EML6: variants seen among roughly 807,000 people sequenced by gnomAD.
EML6 encodes echinoderm microtubule-associated protein-like 6.
EML6 carries 154 observed loss-of-function variants against 240.1 expected under a neutral mutation model. That is an observed-to-expected ratio of 0.64 (90% confidence interval 0.56 to 0.73). The LOEUF (loss-of-function observed/expected upper bound fraction) is 0.73, where lower values mean the gene tolerates loss of function less well. Among genes scored for constraint, EML6 ranks in the 30% least tolerant of loss-of-function variants. The pLI, the probability that EML6 is intolerant of heterozygous loss-of-function variation, is 0.00. For synonymous variants in EML6, 1,148 were observed against 899.0 expected, an observed-to-expected ratio of 1.28 and a Z score of -4.95; for missense variants, 2,964 against 2,474.6, an observed-to-expected ratio of 1.20 and a Z score of -4.20.
At chr2:54,967,148 G>C (rs549128093) in intron 39 of EML6, 45 bp downstream of exon 39, 15 of 1,233,704 alleles carry the variant, frequency 1.2e-5, no homozygotes, top group African/African-American at 7.5e-5. Flanking sequence ...TCACAAGGGA[G>C]TCTCTTGTCT....
rs1250466963 is a variant in EML6, at chr2:54,813,357, G to C, written c.323G>C (p.Gly108Ala). The C allele has an allele frequency of 1.9e-6, 3 of 1,551,680 alleles. No homozygotes were observed. The highest frequency in any genetic ancestry group is 1.4e-5 in the African/African-American group (1 of 73,144). ...CTTCTTAAAGATGTCCATACACATG[G>C]AGTTGCCTGCCTGGCTTTTGACTCA... ...VSLLKDVHTH[G>A]VACLAFDSDG... The change falls in exon 3 of 42, where the codon GGA becomes GCA. Residue 108 changes from glycine to alanine, a missense_variant. Gly to Ala is a moderately conservative substitution (Grantham distance 60). Transcript: ENST00000356458.
At chr2:54,766,487 C>T (rs915820508) in intron 2 of EML6, among the ~76,000 whole-genome samples, 1 of 152,136 alleles carries the variant, frequency 6.6e-6, no homozygotes, top group Non-Finnish European at 1.5e-5. Context: ...GCAGAAGTAT[C>T]ACAGAAATGA....
At chr2:54,869,438 G>T in intron 15 of EML6, 71 bp downstream of exon 15, 1 of 1,101,406 alleles carries the variant, frequency 9.1e-7, no homozygotes, top group Non-Finnish European at 1.3e-6. Context: ...TTACATATTA[G>T]AAATTCAAGA....
intron 4 of EML6, among the ~76,000 whole-genome samples, chr2:54,819,640 G>C (rs1366667870): frequency 2.0e-5 from 3 of 152,052 alleles, no homozygotes; most frequent in Non-Finnish European, 4.4e-5. Context: ...ACTGGGCGTG[G>C]TGGCACGCGC....
chr2:54,942,743 G>C (rs536799802), intron 28 of EML6, among the ~76,000 whole-genome samples: 4 of 152,082 alleles, frequency 2.6e-5, no homozygotes, highest in East Asian at 1.9e-4. Context: ...GCCATGCCCT[G>C]GGTTACATCA....
Position 54,916,888 on chromosome 2 carries a change from A to G in EML6, c.3628A>G (p.Thr1210Ala), listed in dbSNP as rs746917849. Residue 1210 changes from threonine (T) to alanine (A), a missense_variant, in exon 26 of 42, where the codon ACC (threonine) becomes GCC (alanine). Thr to Ala is a moderately conservative substitution (Grantham distance 58, BLOSUM62 0). Coordinates refer to ENST00000356458, the MANE Select transcript of EML6 (RefSeq NM_001039753.4). ...SLTKDCSLLATGDDFGFVKLF... is the reference protein window; with the variant it reads ...SLTKDCSLLAAGDDFGFVKLF... ...TACCAAAGACTGTTCCCTTTTAGCC[A>G]CCGGAGATGATTTTGGTTTCGTTAA... is the stretch of plus-strand genomic sequence containing the variant. 2.7e-4 allele frequency: 420 copies of G among 1,548,170 alleles called. No homozygotes were observed. Among genetic ancestry groups the G allele is most frequent in the Non-Finnish European group, 3.5e-4 (405 of 1,144,172 alleles).
chr2:54,780,775 A>G (rs1239564495), intron 2 of EML6, among the ~76,000 whole-genome samples: 1 of 152,244 alleles, frequency 6.6e-6, no homozygotes, highest in African/African-American at 2.4e-5. Context: ...GATAATGCTG[A>G]AGAATAAACT....
chr2:54,953,460 G>A (rs560080476), intron 31 of EML6, among the ~76,000 whole-genome samples: 1 of 152,306 alleles, frequency 6.6e-6, no homozygotes, highest in African/African-American at 2.4e-5. Flanking sequence ...CTCTGCAAGT[G>A]TGTGTGTGTT....
chr2:54,873,376 C>T (rs1313082758), intron 16 of EML6, among the ~76,000 whole-genome samples: 1 of 152,160 alleles, frequency 6.6e-6, no homozygotes, highest in Non-Finnish European at 1.5e-5. Context: ...GCATAAGTGT[C>T]AAGGGAGAGA....
In EML6 at chr2:54,892,778, G is replaced by T. The variant is rs1162215948; in HGVS notation, c.2742+122G>T. The T allele has an allele frequency of 8.6e-6, 6 of 694,046 alleles. No homozygotes were observed. The East Asian group carries it at 1.6e-4, about 19-fold the overall frequency. The allele number at this position is 694,046 out of a possible 1,614,324, so 43.0% of individuals were successfully genotyped here. ...GGCCTGTCTGAATTAGGAAGTAGTT[G>T]TCATAAAGCTCAGTCAAGAGACAAT... is the stretch of plus-strand genomic sequence containing the variant. On this transcript the variant is annotated intron_variant, in intron 19 of 41. Transcript: ENST00000356458.
chr2:54,861,696 C>T (rs1670679585), intron 12 of EML6, among the ~76,000 whole-genome samples: 1 of 151,960 alleles, frequency 6.6e-6, no homozygotes, highest in South Asian at 2.1e-4. Context: ...CACCTTAAAA[C>T]CATTGGCCAG....
At chr2:54,841,608 T>C (rs947807565) in intron 7 of EML6, among the ~76,000 whole-genome samples, 1 of 148,324 alleles carries the variant, frequency 6.7e-6, no homozygotes. Context: ...TTTTTTTCTT[T>C]TGAGACAATC....
intron 25 of EML6, among the ~76,000 whole-genome samples, chr2:54,913,070 T>G: frequency 8.6e-6 from 1 of 115,620 alleles, no homozygotes; most frequent in Admixed American, 9.5e-5. Flanking sequence ...TGCCAGATTC[T>G]GTTTTTTTTT....
chr2:54,886,139 CT>C (rs34063699), intron 17 of EML6, among the ~76,000 whole-genome samples: 4,703 of 125,330 alleles, frequency 0.038, 74 homozygotes, highest in Non-Finnish European at 0.046. Context: ...CAAATGTTTC[CT>C]TTTTTTTTTT....
chr2:54,932,381 T>A (rs1455270592), intron 28 of EML6, among the ~76,000 whole-genome samples: 1 of 152,200 alleles, frequency 6.6e-6, no homozygotes, highest in Non-Finnish European at 1.5e-5. Context: ...AATCCATGCT[T>A]TCACTCCTTA....
intron 16 of EML6, among the ~76,000 whole-genome samples, chr2:54,874,463 C>T (rs754113767): frequency 6.6e-6 from 1 of 152,172 alleles, no homozygotes; most frequent in African/African-American, 2.4e-5. Flanking sequence ...TTTAACAATA[C>T]AGTCTCCATT....
chr2:54,968,934 G>A (rs1408709140), intron 41 of EML6, among the ~76,000 whole-genome samples, 166 bp downstream of exon 41: 2 of 152,128 alleles, frequency 1.3e-5, no homozygotes, highest in African/African-American at 2.4e-5. Context: ...TACTTTCCAA[G>A]ATAAGGCATT....
chr2:54,923,367 G>GCACGCACACACACA (rs1553416852), intron 26 of EML6, among the ~76,000 whole-genome samples: 1 of 144,364 alleles, frequency 6.9e-6, no homozygotes, highest in Non-Finnish European at 1.5e-5. Flanking sequence ...CTCACCAAAC[G>GCACGCACACACACA]CACACACACA....
intron 7 of EML6, among the ~76,000 whole-genome samples, chr2:54,841,530 C>T (rs1281243727): frequency 6.6e-6 from 1 of 151,280 alleles, no homozygotes; most frequent in African/African-American, 2.4e-5. Flanking sequence ...GTCCGCGTAC[C>T]CCAAATTACC....
Sources: allele counts gnomAD v4.1 joint callset (sites outside exome capture counted in the v4.1 genomes callset), GRCh38; gene constraint gnomAD v4.1.1; transcripts MANE v1.5; gene names NCBI Gene and HGNC (gene_info 2026-07-23, HGNC 2026-07-21).